TXNRD1: variants seen among roughly 807,000 people sequenced by gnomAD.
TXNRD1 encodes thioredoxin reductase 1, also known as thioredoxin reductase 1, cytoplasmic.
Under a neutral mutation model 80.3 loss-of-function variants are expected in TXNRD1, and 57 were observed. That is an observed-to-expected ratio of 0.71 (90% CI 0.57 to 0.89). TXNRD1 has a LOEUF of 0.89. Ranked by LOEUF, TXNRD1 falls within the 40% of genes least tolerant of loss-of-function variation. TXNRD1 has a pLI of 0.00. For missense variants in TXNRD1, 730 were observed against 803.0 expected (o/e 0.91, Z 1.10); for synonymous variants, 291 against 285.2 (o/e 1.02, Z -0.20).
rs1199434818 is a variant in TXNRD1 at position 104,303,653 on chromosome 12, C to T, written c.415-7637C>T. 1.2e-5 allele frequency: 5 copies of T among 431,798 alleles called. No homozygotes were observed. The Admixed American group carries it at 1.8e-4, about 15-fold the overall frequency. The allele number at this position is 431,798 out of a possible 1,614,324, so 26.7% of individuals were successfully genotyped here. ...GCTGGTCTATGAGCGAGCGCCTCGG[C>T]TTGTGGCTGGGCCGGGCCGGGGCGG... On this transcript the variant is annotated intron_variant, in intron 4 of 16. Coordinates refer to ENST00000525566, the MANE Select transcript of TXNRD1 (RefSeq NM_001093771.3).
At chr12:104,218,017 T>C (rs1010457502) in intron 1 of TXNRD1, among the ~76,000 whole-genome samples, 1 of 151,748 alleles carries the variant, frequency 6.6e-6, no homozygotes, top group Non-Finnish European at 1.5e-5. Flanking sequence ...GGAATATATA[T>C]ACACACACAC....
intron 3 of TXNRD1, among the ~76,000 whole-genome samples, chr12:104,263,370 C>T (rs890874113): frequency 1.3e-5 from 2 of 152,228 alleles, no homozygotes; most frequent in South Asian, 2.1e-4. Flanking sequence ...ATGACTTGCC[C>T]CCAGTGTCTT....
At chr12:104,303,870 A>T (rs1174927617) in intron 4 of TXNRD1, 1 of 1,481,416 alleles carries the variant, frequency 6.8e-7, no homozygotes, top group Non-Finnish European at 8.9e-7. Flanking sequence ...AAAGGAGAGG[A>T]GCAGCTCGTG....
rs778924100 is a variant in TXNRD1 at position 104,318,981 on chromosome 12, C to T, written c.799C>T (p.Arg267Ter). 2.5e-6 allele frequency: 4 copies of T among 1,613,754 alleles called. No individual in the cohort carries two copies. The highest frequency in any genetic ancestry group is 1.1e-5 in the South Asian group (1 of 91,064). ...CATTGGCTCTTTGAATTGGGGCTACCGAGTAGCTCTGCGGGAGAAAAAAGT... is the reference window on the plus strand; with the variant it reads ...CATTGGCTCTTTGAATTGGGGCTACTGAGTAGCTCTGCGGGAGAAAAAAGT... ...NHIGSLNWGY[R>*]VALREKKVVY... Residue 267 changes from arginine (R) to a stop codon, truncating the protein, a stop_gained, in exon 8 of 17, where the codon CGA becomes TGA. Transcript: ENST00000525566. LOFTEE classifies it high-confidence loss of function.
intron 9 of TXNRD1, among the ~76,000 whole-genome samples, chr12:104,319,893 A>G (rs992271555): frequency 2.0e-5 from 3 of 152,264 alleles, no homozygotes; most frequent in African/African-American, 7.2e-5. Flanking sequence ...AGTATGTAAT[A>G]AAACCAAATG....
chr12:104,340,917 A>G (rs2036304635), intron 16 of TXNRD1, among the ~76,000 whole-genome samples: 1 of 152,190 alleles, frequency 6.6e-6, no homozygotes, highest in African/African-American at 2.4e-5. Flanking sequence ...TTTGATAGGG[A>G]CGAAGGAAAA....
At chr12:104,259,766 G>T (rs2033326857) in intron 3 of TXNRD1, among the ~76,000 whole-genome samples, 1 of 151,976 alleles carries the variant, frequency 6.6e-6, no homozygotes, top group Non-Finnish European at 1.5e-5. Flanking sequence ...GAGATTACAG[G>T]TGTGAGCCAC....
At chr12:104,309,622 A>G in intron 4 of TXNRD1, 1 of 487,626 alleles carries the variant, frequency 2.1e-6, no homozygotes, top group Non-Finnish European at 3.6e-6. Flanking sequence ...CAGAACATCT[A>G]ACTGGATTTA....
chr12:104,347,489 A>G (rs1781572685), intron 16 of TXNRD1, among the ~76,000 whole-genome samples: 1 of 152,244 alleles, frequency 6.6e-6, no homozygotes, highest in South Asian at 2.1e-4. Context: ...AACAAGGAGA[A>G]CTTGTTAGTC....
chr12:104,334,443 C>A, intron 15 of TXNRD1, 111 bp downstream of exon 15: 1 of 494,238 alleles, frequency 2.0e-6, no homozygotes, highest in African/African-American at 2.0e-5. Context: ...AGTGCAGTGG[C>A]GCTATCTCTG....
intron 3 of TXNRD1, among the ~76,000 whole-genome samples, chr12:104,264,143 C>T (rs777727948): frequency 1.5e-4 from 23 of 152,192 alleles, no homozygotes; most frequent in Non-Finnish European, 2.5e-4. Flanking sequence ...TATTTATATG[C>T]CAAGCACTGG....
intron 16 of TXNRD1, among the ~76,000 whole-genome samples, chr12:104,342,438 A>G (rs554240815): frequency 7.7e-4 from 117 of 152,324 alleles, no homozygotes; most frequent in African/African-American, 2.8e-3. Flanking sequence ...GGAAGACCAA[A>G]TACATATTTC....
At position 104,218,679 on chromosome 12, in the gene TXNRD1, C is replaced by T. The variant is rs1174249802; in HGVS notation, c.91+2786C>T. Among the ~76,000 whole-genome samples, 2 of 150,094 alleles carry T rather than the reference C, an allele frequency of 1.3e-5. 1 individual carries two copies. Among genetic ancestry groups the T allele is most frequent in the African/African-American group, 4.9e-5 (2 of 40,702 alleles). The stretch of plus-strand genomic sequence containing the variant: ...GTTGCCCAGGCTGGAGTGCAGTGGC[C>T]CAATCATAGCTCATTGCAGCCTCAA... On this transcript the variant is annotated intron_variant, in intron 1 of 16. Coordinates refer to ENST00000525566, the MANE Select transcript of TXNRD1 (RefSeq NM_001093771.3).
chr12:104,260,491 CAAAA>C (rs2033344454), intron 3 of TXNRD1, among the ~76,000 whole-genome samples: 1 of 148,590 alleles, frequency 6.7e-6, no homozygotes, highest in Non-Finnish European at 1.5e-5. Flanking sequence ...AAAAAAAACA[CAAAA>C]AACAACAACA....
Position 104,310,315 on chromosome 12 carries a change from A to G in TXNRD1, c.415-975A>G, listed in dbSNP as rs529299424. On this transcript the variant is annotated intron_variant, in intron 4 of 16. Coordinates refer to ENST00000525566, the MANE Select transcript of TXNRD1 (RefSeq NM_001093771.3). ...CAGGCACCCGCCACTACACCTGGCT[A>G]ATTTTTGTATTTTTAGTAGAGACAG... 2.0e-5 allele frequency among the ~76,000 whole-genome samples: 3 copies of G among 152,122 alleles called. No homozygotes were observed. The South Asian group carries it at 6.2e-4, about 32-fold the overall frequency.
chr12:104,267,178 A>AT lies in TXNRD1; in HGVS notation c.304+9099_304+9100insT, dbSNP rs1400726816. ...GAGACTCCCTCTCAAAAAAAAAAAA[A>AT]AATAATATAATAATTAATAATAATA... is the stretch of plus-strand genomic sequence containing the variant. On this transcript the variant is annotated intron_variant, in intron 3 of 16. Transcript: ENST00000525566. 6.8e-3 allele frequency among the ~76,000 whole-genome samples: 350 copies of AT among 51,496 alleles called. 5 individuals carry two copies. The highest frequency in any genetic ancestry group is 0.022 in the African/African-American group (281 of 12,544). 33.8% of individuals were successfully genotyped at this position (51,496 alleles called of 152,430 possible).
At chr12:104,223,625 A>G (rs57554346) in intron 1 of TXNRD1, among the ~76,000 whole-genome samples, 7,221 of 152,242 alleles carry the variant, frequency 0.047, 207 homozygotes, top group Middle Eastern at 0.14. Context: ...GATGTGCTGG[A>G]CTGGTAAAAA....
intron 1 of TXNRD1, among the ~76,000 whole-genome samples, chr12:104,217,150 A>C (rs1737481692): frequency 6.6e-6 from 1 of 152,172 alleles, no homozygotes; most frequent in Non-Finnish European, 1.5e-5. Context: ...ATTTGTGGCC[A>C]TTAGTACAAT....
intron 4 of TXNRD1, among the ~76,000 whole-genome samples, chr12:104,307,002 TAGGAG>T (rs1234967029): frequency 1.3e-5 from 2 of 152,146 alleles, no homozygotes; most frequent in East Asian, 3.8e-4. Flanking sequence ...TCTGGAGGCT[TAGGAG>T]AGGTAATTTT....
Sources: allele counts gnomAD v4.1 joint callset (sites outside exome capture counted in the v4.1 genomes callset), GRCh38; gene constraint gnomAD v4.1.1; transcripts MANE v1.5; gene names NCBI Gene and HGNC (gene_info 2026-07-23, HGNC 2026-07-21).